Variants in SPSB1 observed in about 807,000 individuals in gnomAD.
SPSB1 encodes the protein SPRY domain-containing SOCS box protein 1.
Under a neutral mutation model 21.2 loss-of-function variants are expected in SPSB1, and 8 were observed. The ratio of observed to expected loss-of-function variants is 0.38; its 90% CI spans 0.22 to 0.68. The LOEUF (loss-of-function observed/expected upper bound fraction) is 0.68. SPSB1 is among the 30% of genes least tolerant of loss of function. The pLI is 0.53. For synonymous variants in SPSB1, 169 were observed against 161.7 expected, an observed-to-expected ratio of 1.05 and a Z score of -0.34; for missense variants, 242 against 377.8, an observed-to-expected ratio of 0.64 and a Z score of 2.98.
At chr1:9,337,656 C>T (rs373503553) in intron 1 of SPSB1, among the ~76,000 whole-genome samples, 60 of 152,168 alleles carry the variant, frequency 3.9e-4, no homozygotes, top group African/African-American at 1.4e-3. Context: ...GGGTGGCATC[C>T]GCTCAGAGCC....
chr1:9,318,822 T>C (rs1639657020), intron 1 of SPSB1, among the ~76,000 whole-genome samples: 1 of 152,110 alleles, frequency 6.6e-6, no homozygotes, highest in Non-Finnish European at 1.5e-5. Context: ...TGGGGGACAG[T>C]CACATGAGCT....
rs1639147348 is a variant in SPSB1 at position 9,293,102 on chromosome 1, T to C, written c.-150+31T>C. The C allele has an allele frequency of 5.1e-6, 5 of 973,390 alleles. No individual in the cohort carries two copies. The Admixed American group carries it at 2.6e-4, about 50-fold the overall frequency. The allele number at this position is 973,390 out of a possible 1,614,324, so 60.3% of individuals were successfully genotyped here. On this transcript the variant is annotated intron_variant, in intron 1 of 2. Transcript: ENST00000328089. This position sits in a 1 kb window ranked among gnomAD's most constrained non-coding sequence, Gnocchi z 5.1. ...CGGCGCGGGGCACCTGGGACCCCGA[T>C]GGGTGGGCGACCGGCCCGGGAGGGG... is the stretch of plus-strand genomic sequence containing the variant.
At chr1:9,329,233 G>A (rs1262365953) in intron 1 of SPSB1, among the ~76,000 whole-genome samples, 4 of 152,136 alleles carry the variant, frequency 2.6e-5, no homozygotes, top group Non-Finnish European at 5.9e-5. Context: ...TTGAGGGTTT[G>A]TGGGTGGGGG....
chr1:9,342,632 AT>A (rs1355541931), intron 1 of SPSB1, among the ~76,000 whole-genome samples: 2 of 152,120 alleles, frequency 1.3e-5, no homozygotes, highest in Non-Finnish European at 2.9e-5. Context: ...CCATGTCCTC[AT>A]CCCCCGCCAG....
Position 9,365,189 on chromosome 1 carries a change from G to A in SPSB1, c.695-2259G>A, listed in dbSNP as rs772961276. The stretch of plus-strand genomic sequence containing the variant: ...ATTTTTGAGACAAGGTCTCTGTTAC[G>A]CAGGCTGGAATACAGTGGCACAATC... On this transcript the variant is annotated intron_variant, in intron 2 of 2. Transcript: ENST00000328089. Among the ~76,000 whole-genome samples, 108 of 152,036 alleles carry A rather than the reference G, an allele frequency of 7.1e-4. 1 individual carries two copies. The highest frequency in any genetic ancestry group is 1.3e-3 in the Non-Finnish European group (87 of 67,976).
chr1:9,365,111 C>G (rs769168697), intron 2 of SPSB1, among the ~76,000 whole-genome samples: 1 of 152,216 alleles, frequency 6.6e-6, no homozygotes, highest in Non-Finnish European at 1.5e-5. Context: ...CCGGCCTCGG[C>G]CTCCCGAAGT....
chr1:9,360,884 T>C (rs538190163), intron 2 of SPSB1, among the ~76,000 whole-genome samples: 82 of 152,296 alleles, frequency 5.4e-4, no homozygotes, highest in Non-Finnish European at 1.0e-3. Flanking sequence ...GTGTAGACCA[T>C]CTCCATGAGG....
intron 1 of SPSB1, among the ~76,000 whole-genome samples, chr1:9,329,831 A>G (rs1267217702): frequency 6.6e-6 from 1 of 152,102 alleles, no homozygotes; most frequent in African/African-American, 2.4e-5. Flanking sequence ...GTGTGGAGGT[A>G]GAAGAGAGCG....
chr1:9,366,577 C>CTT (rs35877709), intron 2 of SPSB1, among the ~76,000 whole-genome samples: 11,608 of 135,466 alleles, frequency 0.086, 1,733 homozygotes, highest in African/African-American at 0.3. Flanking sequence ...GTCCTCAGTT[C>CTT]TTTTTTTTTT....
intron 1 of SPSB1, among the ~76,000 whole-genome samples, chr1:9,322,391 C>G (rs1397391557): frequency 6.6e-6 from 1 of 152,186 alleles, no homozygotes; most frequent in Non-Finnish European, 1.5e-5. Flanking sequence ...AAGTCCGTGC[C>G]TCGCTCTCAT....
At chr1:9,316,943 CCTT>C (rs1639626795) in intron 1 of SPSB1, among the ~76,000 whole-genome samples, 1 of 152,158 alleles carries the variant, frequency 6.6e-6, no homozygotes, top group Non-Finnish European at 1.5e-5. Context: ...CTGGTGCTCT[CCTT>C]CTGATCGCAG....
chr1:9,311,833 GT>G (rs774309877), intron 1 of SPSB1, among the ~76,000 whole-genome samples: 5 of 152,124 alleles, frequency 3.3e-5, no homozygotes, highest in South Asian at 2.1e-4. Context: ...TCCCTGGGGG[GT>G]ATGAATTTTC....
intron 1 of SPSB1, among the ~76,000 whole-genome samples, chr1:9,314,413 C>T (rs1557448925): frequency 1.3e-5 from 2 of 152,102 alleles, no homozygotes; most frequent in East Asian, 1.9e-4. Context: ...GGAAGATGGG[C>T]ACCTGGCTGC....
chr1:9,356,663 G>A lies in SPSB1; in HGVS notation c.694+78G>A. ...CCTGGCTGGGCTCAGGCCAAAAGTTGATTCATTGGAACTAGAGTGTTTTGA... is the reference window on the plus strand; with the variant it reads ...CCTGGCTGGGCTCAGGCCAAAAGTTAATTCATTGGAACTAGAGTGTTTTGA... On this transcript the variant is annotated intron_variant, in intron 2 of 2. Transcript: ENST00000328089. The surrounding 1 kb of genome is among the most constrained non-coding windows in gnomAD (Gnocchi z 7.4). 1 of 1,512,032 alleles carries A rather than the reference G, an allele frequency of 6.6e-7. No individual in the cohort carries two copies. Among genetic ancestry groups the A allele is most frequent in the Non-Finnish European group, 8.8e-7 (1 of 1,133,322 alleles). The allele number at this position is 1,512,032 out of a possible 1,614,324, so 93.7% of individuals were successfully genotyped here. A position where few individuals can be genotyped will look rare whatever the true frequency, so the allele number is the denominator to read the frequency against.
At chr1:9,298,626 A>C (rs1639266398) in intron 1 of SPSB1, among the ~76,000 whole-genome samples, 1 of 152,190 alleles carries the variant, frequency 6.6e-6, no homozygotes, top group Non-Finnish European at 1.5e-5. Flanking sequence ...TTGTTCGGGG[A>C]TAACTGGTTA....
intron 1 of SPSB1, among the ~76,000 whole-genome samples, chr1:9,316,921 AGAGG>A (rs1178714247): frequency 6.6e-6 from 1 of 152,136 alleles, no homozygotes; most frequent in Non-Finnish European, 1.5e-5. Context: ...GCCCCCGGGT[AGAGG>A]GAGCTGCCTG....
At chr1:9,353,750 C>T (rs1002571079) in intron 1 of SPSB1, among the ~76,000 whole-genome samples, 1 of 152,036 alleles carries the variant, frequency 6.6e-6, no homozygotes, top group Non-Finnish European at 1.5e-5. Context: ...GAAACCCGGC[C>T]TCTACTAAAT....
intron 1 of SPSB1, among the ~76,000 whole-genome samples, chr1:9,351,009 G>A (rs980345229): frequency 3.3e-5 from 5 of 152,206 alleles, no homozygotes; most frequent in African/African-American, 1.2e-4. Flanking sequence ...CTTGGTACCT[G>A]TGGGTGGTAC....
intron 1 of SPSB1, among the ~76,000 whole-genome samples, chr1:9,328,069 C>T (rs1639845522): frequency 6.6e-6 from 1 of 152,236 alleles, no homozygotes. Flanking sequence ...AGAGAGTTCG[C>T]TTAGCTGGAG....
Sources: allele counts gnomAD v4.1 joint callset (sites outside exome capture counted in the v4.1 genomes callset), GRCh38; gene constraint gnomAD v4.1.1; non-coding constraint Gnocchi (gnomAD v3.1); transcripts MANE v1.5; gene names NCBI Gene and HGNC (gene_info 2026-07-23, HGNC 2026-07-21).